NUDT3: variants seen among roughly 807,000 people sequenced by gnomAD.
The protein encoded by NUDT3 is nudix hydrolase 3, also known as diphosphoinositol polyphosphate phosphohydrolase 1.
NUDT3 carries 9 observed loss-of-function variants against 23.6 expected under a neutral mutation model. The observed-to-expected ratio is 0.38, with a 90% CI of 0.23 to 0.66. The LOEUF (loss-of-function observed/expected upper bound fraction) is 0.66. Ranked by LOEUF, NUDT3 falls within the 30% of genes least tolerant of loss-of-function variation. NUDT3 has a pLI of 0.52. For missense variants in NUDT3, 172 were observed against 218.5 expected (o/e 0.79, Z 1.34); for synonymous variants, 86 against 82.6 (o/e 1.04, Z -0.22).
chr6:34,362,012 T>C (rs994318241), intron 1 of NUDT3, among the ~76,000 whole-genome samples: 11 of 152,138 alleles, frequency 7.2e-5, no homozygotes, highest in Non-Finnish European at 1.2e-4. Flanking sequence ...TCATGTGTCA[T>C]AGTAGGCTCA....
chr6:34,389,264 T>C (rs1398508789), intron 1 of NUDT3, among the ~76,000 whole-genome samples: 1 of 152,182 alleles, frequency 6.6e-6, no homozygotes, highest in African/African-American at 2.4e-5. Context: ...GCTCACGAAA[T>C]CCAATGGTTT....
At chr6:34,362,526 C>T (rs1764666004) in intron 1 of NUDT3, among the ~76,000 whole-genome samples, 1 of 152,068 alleles carries the variant, frequency 6.6e-6, no homozygotes, top group Non-Finnish European at 1.5e-5. Flanking sequence ...CAACAGATCA[C>T]TAAAGGTTCA....
chr6:34,296,690 C>A (rs1763504260), intron 2 of NUDT3, among the ~76,000 whole-genome samples: 2 of 152,088 alleles, frequency 1.3e-5, no homozygotes, highest in Admixed American at 1.3e-4. Context: ...AGTATATGTG[C>A]CAGCGATGTA....
intron 1 of NUDT3, among the ~76,000 whole-genome samples, chr6:34,371,670 G>A (rs1384494743): frequency 6.6e-6 from 1 of 152,162 alleles, no homozygotes; most frequent in Non-Finnish European, 1.5e-5. Context: ...TTATTAATGA[G>A]CACTGGGGAA....
chr6:34,313,316 C>G (rs1763804293), intron 2 of NUDT3, among the ~76,000 whole-genome samples: 1 of 151,960 alleles, frequency 6.6e-6, no homozygotes, highest in Non-Finnish European at 1.5e-5. Context: ...AGTATGAAAA[C>G]AGTAAAAGAT....
chr6:34,359,149 A>C (rs891103119), intron 1 of NUDT3, among the ~76,000 whole-genome samples: 2 of 152,162 alleles, frequency 1.3e-5, no homozygotes, highest in African/African-American at 4.8e-5. Context: ...CGAGGTGGGC[A>C]GATCACAAGG....
intron 1 of NUDT3, among the ~76,000 whole-genome samples, chr6:34,369,876 AG>A (rs1764800140): frequency 6.6e-6 from 1 of 152,144 alleles, no homozygotes; most frequent in South Asian, 2.1e-4. Context: ...ACCTCTTCCT[AG>A]TATGACTAAC....
At chr6:34,350,708 T>A (rs1764453892) in intron 1 of NUDT3, among the ~76,000 whole-genome samples, 1 of 150,836 alleles carries the variant, frequency 6.6e-6, no homozygotes, top group South Asian at 2.1e-4. Context: ...CTATTTTTTT[T>A]AGCTACAGAG....
intron 1 of NUDT3, among the ~76,000 whole-genome samples, chr6:34,386,019 T>A (rs1765099826): frequency 6.6e-6 from 1 of 152,172 alleles, no homozygotes; most frequent in Non-Finnish European, 1.5e-5. Context: ...ACTGGTTAAG[T>A]TGCACAATTA....
At chr6:34,322,714 G>C (rs980012770) in intron 2 of NUDT3, among the ~76,000 whole-genome samples, 1 of 152,192 alleles carries the variant, frequency 6.6e-6, no homozygotes, top group Non-Finnish European at 1.5e-5. Flanking sequence ...TTTGAATATA[G>C]AGTCAATACT....
At chr6:34,309,945 A>G (rs910964210) in intron 2 of NUDT3, among the ~76,000 whole-genome samples, 3 of 152,214 alleles carry the variant, frequency 2.0e-5, no homozygotes, top group African/African-American at 7.2e-5. Flanking sequence ...TCAATAATTA[A>G]TAACTGGCTG....
rs770423110 is a variant in NUDT3, at chr6:34,392,251, C to T, written c.99+13G>A. Reference sequence around the variant, plus strand: ...GACCCGGCGACCCCGGCCCGCCCAGCCTGCCGCCTCACCTCCTCCTCGCTC... The same window carrying T: ...GACCCGGCGACCCCGGCCCGCCCAGTCTGCCGCCTCACCTCCTCCTCGCTC... On this transcript the variant is annotated intron_variant, in intron 1 of 4. Transcript: ENST00000607016. The T allele has an allele frequency of 1.3e-6, 2 of 1,577,168 alleles. No homozygotes were observed. Among genetic ancestry groups the T allele is most frequent in the Non-Finnish European group, 1.7e-6 (2 of 1,168,224 alleles).
chr6:34,298,726 G>A (rs1002154569), intron 2 of NUDT3, among the ~76,000 whole-genome samples: 3 of 152,144 alleles, frequency 2.0e-5, no homozygotes, highest in African/African-American at 4.8e-5. Context: ...GATTACAGGT[G>A]CATGCCACCA....
intron 2 of NUDT3, among the ~76,000 whole-genome samples, chr6:34,320,035 C>A (rs875274): frequency 0.094 from 14,374 of 152,110 alleles, 791 homozygotes; most frequent in Non-Finnish European, 0.12. Flanking sequence ...TAAAGAGAAA[C>A]TTCTGTCTCC....
At position 34,392,249 on chromosome 6, in the gene NUDT3, A is replaced by G; in HGVS notation, c.99+15T>C. The G allele has an allele frequency of 6.4e-7, 1 of 1,573,294 alleles. No individual in the cohort carries two copies. Among genetic ancestry groups the G allele is most frequent in the Non-Finnish European group, 8.6e-7 (1 of 1,166,490 alleles). ...GAGACCCGGCGACCCCGGCCCGCCCAGCCTGCCGCCTCACCTCCTCCTCGC... is the reference window on the plus strand; with the variant it reads ...GAGACCCGGCGACCCCGGCCCGCCCGGCCTGCCGCCTCACCTCCTCCTCGC... On this transcript the variant is annotated intron_variant, in intron 1 of 4. Coordinates refer to ENST00000607016, the MANE Select transcript of NUDT3 (RefSeq NM_006703.4).
At chr6:34,314,274 C>T (rs1436272814) in intron 2 of NUDT3, among the ~76,000 whole-genome samples, 2 of 151,566 alleles carry the variant, frequency 1.3e-5, no homozygotes, top group African/African-American at 4.8e-5. Context: ...AATATAAGGC[C>T]GGGCGCAGTG....
At chr6:34,342,080 T>C in intron 1 of NUDT3, 108 bp from the exon 2 acceptor site, 1 of 921,326 alleles carries the variant, frequency 1.1e-6, no homozygotes, top group Non-Finnish European at 1.6e-6. Flanking sequence ...ACCCATTCTT[T>C]GTTTATGCCT....
rs539953611 is a variant in NUDT3, at chr6:34,302,601, G to A, written c.211-6916C>T. The stretch of plus-strand genomic sequence containing the variant: ...CAAAAAATTAGCCGAGCATGGTGGC[G>A]TGTGCCTGTAGTCCCAGTTACTCGG... On this transcript the variant is annotated intron_variant, in intron 2 of 4. Transcript: ENST00000607016. Among the ~76,000 whole-genome samples, 3 of 152,170 alleles carry A rather than the reference G, an allele frequency of 2.0e-5. No individual in the cohort carries two copies. In the South Asian group the frequency reaches 6.2e-4, roughly 32 times the overall value.
At chr6:34,310,460 C>T (rs1268786084) in intron 2 of NUDT3, among the ~76,000 whole-genome samples, 4 of 151,634 alleles carry the variant, frequency 2.6e-5, no homozygotes, top group South Asian at 2.1e-4. Flanking sequence ...AACTGGGAAG[C>T]GGAGGTTGCA....
Sources: gnomAD v4.1 joint callset for allele counts (sites outside exome capture counted in the v4.1 genomes callset) on GRCh38, gnomAD v4.1.1 for gene constraint, MANE v1.5 for transcripts, NCBI Gene and HGNC (gene_info 2026-07-23, HGNC 2026-07-21) for gene names.